TCF4: variants seen among roughly 807,000 people sequenced by gnomAD.
TCF4 encodes SL3-3 enhancer factor 2.
A neutral mutation model predicts 82.1 loss-of-function variants in TCF4; 3 were observed. The ratio of observed to expected loss-of-function variants is 0.04; its 90% CI spans 0.02 to 0.09. TCF4 has a LOEUF of 0.09. TCF4 is among the 10% of genes least tolerant of loss of function. The probability of loss-of-function intolerance (pLI) is 1.00; values close to 1 mark genes in which losing one functional copy is unlikely to be tolerated. For synonymous variants in TCF4, 276 were observed against 309.6 expected, an observed-to-expected ratio of 0.89 and a Z score of 1.14; for missense variants, 518 against 852.7, an observed-to-expected ratio of 0.61 and a Z score of 4.89.
chr18:55,514,315 C>A (rs981063032), intron 3 of TCF4, among the ~76,000 whole-genome samples: 1 of 152,002 alleles, frequency 6.6e-6, no homozygotes, highest in Non-Finnish European at 1.5e-5. Context: ...TACTTCCTGA[C>A]AGTGACTCAA....
intron 5 of TCF4, among the ~76,000 whole-genome samples, chr18:55,413,833 T>C (rs2094438710): frequency 6.6e-6 from 1 of 152,204 alleles, no homozygotes. Context: ...ACCACAATTT[T>C]TAATCCTGAA....
intron 3 of TCF4, among the ~76,000 whole-genome samples, chr18:55,469,397 G>C (rs2096122229): frequency 6.6e-6 from 1 of 152,046 alleles, no homozygotes; most frequent in Admixed American, 6.6e-5. Context: ...CCAGGAGGTG[G>C]AGGTTGCCGC....
At chr18:55,567,927 A>T (rs988519776) in intron 3 of TCF4, among the ~76,000 whole-genome samples, 13 of 152,182 alleles carry the variant, frequency 8.5e-5, no homozygotes, top group African/African-American at 2.9e-4. Flanking sequence ...GGTCAATAAT[A>T]AAAAGATAAG....
chr18:55,321,346 A>AT, intron 8 of TCF4: 2 of 343,858 alleles, frequency 5.8e-6, no homozygotes, highest in Non-Finnish European at 1.1e-5. Context: ...AGGAATAAGA[A>AT]TTTTCCAAAA....
chr18:55,575,849 T>C (rs1209318642), intron 3 of TCF4, among the ~76,000 whole-genome samples: 1 of 152,202 alleles, frequency 6.6e-6, no homozygotes, highest in African/African-American at 2.4e-5. Flanking sequence ...CTTCACAATG[T>C]TTTTACAAAT....
At chr18:55,309,560 G>T (rs181579438) in intron 8 of TCF4, among the ~76,000 whole-genome samples, 7 of 152,330 alleles carry the variant, frequency 4.6e-5, no homozygotes, top group Admixed American at 4.6e-4. Flanking sequence ...GAACTGGGTT[G>T]AGAAAATGTC....
At chr18:55,237,445 G>A (rs1408809660) in intron 15 of TCF4, among the ~76,000 whole-genome samples, 1 of 147,554 alleles carries the variant, frequency 6.8e-6, no homozygotes, top group Non-Finnish European at 1.5e-5. Context: ...CATAAAGAAT[G>A]TTAGAGACAA....
At chr18:55,236,021 A>AT (rs1218308925) in intron 15 of TCF4, among the ~76,000 whole-genome samples, 1 of 152,132 alleles carries the variant, frequency 6.6e-6, no homozygotes, top group African/African-American at 2.4e-5. Context: ...CTGAAAATAT[A>AT]TTTAAGTAAT....
intron 2 of TCF4, chr18:55,585,951 G>A (rs1174397391): frequency 2.4e-6 from 3 of 1,270,896 alleles, no homozygotes; most frequent in Non-Finnish European, 3.0e-6. Context: ...CTTCTTCGAC[G>A]TATCTAGTGG....
chr18:55,408,647 C>T (rs1344692142), intron 5 of TCF4, among the ~76,000 whole-genome samples: 1 of 152,118 alleles, frequency 6.6e-6, no homozygotes, highest in Non-Finnish European at 1.5e-5. Context: ...ATCTGCACAA[C>T]CCCATAAGGC....
chr18:55,365,183 A>ATATATGTGTGTGTGTGTGTGTG (rs2086587633), intron 6 of TCF4, among the ~76,000 whole-genome samples: 16 of 106,862 alleles, frequency 1.5e-4, no homozygotes, highest in African/African-American at 4.1e-4. Flanking sequence ...ATATATATAT[A>ATATATGTGTGTGTGTGTGTGTG]TATATATATG....
chr18:55,328,680 T>G (rs762731976), intron 8 of TCF4, among the ~76,000 whole-genome samples: 1 of 152,208 alleles, frequency 6.6e-6, no homozygotes, highest in African/African-American at 2.4e-5. Flanking sequence ...ATCCTGGTTA[T>G]GTTTATTTGT....
At position 55,289,204 on chromosome 18, in the gene TCF4, T is replaced by A. The variant is rs982681208; in HGVS notation, c.550-9548A>T. ...TTGGTCCAGGTGAAACCCTGACTTC[T>A]TCCTGGTTACACTCCTTATGTTACT... On this transcript the variant is annotated intron_variant, in intron 8 of 19. Coordinates refer to ENST00000354452, the MANE Select transcript of TCF4 (RefSeq NM_001083962.2). Among the ~76,000 whole-genome samples, 6 of 152,342 alleles carry A rather than the reference T, an allele frequency of 3.9e-5. No individual in the cohort carries two copies. The East Asian group carries it at 5.8e-4, about 15-fold the overall frequency.
intron 15 of TCF4, among the ~76,000 whole-genome samples, chr18:55,245,402 C>A (rs1347803757): frequency 6.6e-6 from 1 of 152,338 alleles, no homozygotes; most frequent in Admixed American, 6.5e-5. Flanking sequence ...TGAATTACTT[C>A]ATGAGTTGCT....
At chr18:55,286,247 G>A (rs2146444950) in intron 8 of TCF4, among the ~76,000 whole-genome samples, 1 of 135,094 alleles carries the variant, frequency 7.4e-6, no homozygotes. Context: ...CAGTATAATT[G>A]GGTCTCTCTA....
At chr18:55,266,562 G>A (rs1383402587) in intron 11 of TCF4, 2 of 151,998 alleles carry the variant, frequency 1.3e-5, no homozygotes, top group Non-Finnish European at 2.9e-5. Flanking sequence ...TCCAGAGTTT[G>A]CCAGCAAGGC....
chr18:55,488,551 A>G (rs965724255), intron 3 of TCF4, among the ~76,000 whole-genome samples: 2 of 152,222 alleles, frequency 1.3e-5, no homozygotes, highest in Non-Finnish European at 2.9e-5. Flanking sequence ...AGACAAAAGC[A>G]CAACTTAAGC....
chr18:55,515,507 C>T (rs550604692), intron 3 of TCF4, among the ~76,000 whole-genome samples: 28 of 152,164 alleles, frequency 1.8e-4, no homozygotes, highest in Non-Finnish European at 3.5e-4. Flanking sequence ...GAGGGACAAT[C>T]AGATCAGTCT....
At chr18:55,350,780 G>A (rs1294577590) in intron 7 of TCF4, 94 bp downstream of exon 7, 2 of 1,563,972 alleles carry the variant, frequency 1.3e-6, no homozygotes, top group African/African-American at 1.4e-5. Flanking sequence ...CTTGGGGTGG[G>A]AGGTAGGATG....
Sources: allele counts gnomAD v4.1 joint callset (sites outside exome capture counted in the v4.1 genomes callset), GRCh38; gene constraint gnomAD v4.1.1; transcripts MANE v1.5; gene names NCBI Gene and HGNC (gene_info 2026-07-23, HGNC 2026-07-21).